The following HPSE2 variants were observed in gnomAD, a reference collection of about 807,000 sequenced individuals.
HPSE2 encodes heparanase 2 (inactive).
A neutral mutation model predicts 60.5 loss-of-function variants in HPSE2; 38 were observed. That is an observed-to-expected ratio of 0.63 (90% CI 0.48 to 0.82). HPSE2 has a LOEUF of 0.82. Ranked by LOEUF, HPSE2 falls within the 40% of genes least tolerant of loss-of-function variation. The probability of loss-of-function intolerance (pLI) is 0.00; values close to 1 mark genes in which losing one functional copy is unlikely to be tolerated. For missense variants in HPSE2, 713 were observed against 740.4 expected (o/e 0.96, Z 0.43); for synonymous variants, 295 against 293.2 (o/e 1.01, Z -0.06).
At position 98,490,092 on chromosome 10, in the gene HPSE2, C is replaced by T. The variant is rs1474995904; in HGVS notation, c.1425G>A (p.Arg475=). ...AGTGAGCATAAATCCTTAGTTTGTC[C>T]CGGATCACTCGGCCAGGCCGTGGCT... ...QRKPRPGRVI[R]DKLRIYAHCT... Residue 475 remains arginine (R), a synonymous_variant, in exon 10 of 12, where the codon CGG becomes CGA. Transcript: ENST00000370552. The T allele has an allele frequency of 1.2e-6, 2 of 1,614,168 alleles. No individual in the cohort carries two copies. The highest frequency in any genetic ancestry group is 3.3e-5 in the Admixed American group (2 of 60,022).
intron 3 of HPSE2, among the ~76,000 whole-genome samples, chr10:98,983,687 G>T (rs2135308557): frequency 6.6e-6 from 1 of 152,294 alleles, no homozygotes; most frequent in African/African-American, 2.4e-5. Context: ...GCCAAAGCAG[G>T]GCAAGGCATC....
At chr10:98,642,080 C>T (rs1177153236) in intron 6 of HPSE2, 140 bp from the exon 7 acceptor site, 2 of 721,568 alleles carry the variant, frequency 2.8e-6, no homozygotes, top group Non-Finnish European at 2.4e-6. Context: ...AGGTTTTGAA[C>T]CTGGGTACTT....
At position 99,235,687 on chromosome 10, in the gene HPSE2, G is replaced by A; in HGVS notation, c.116C>T (p.Ser39Phe). 2 of 1,614,096 alleles carry A rather than the reference G, an allele frequency of 1.2e-6. No individual in the cohort carries two copies. Among genetic ancestry groups the A allele is most frequent in the Non-Finnish European group, 1.7e-6 (2 of 1,180,030 alleles). Residue 39 changes from serine (S) to phenylalanine (F), a missense_variant, in exon 1 of 12, where the codon TCC (serine) becomes TTC (phenylalanine). Coordinates refer to ENST00000370552, the MANE Select transcript of HPSE2 (RefSeq NM_021828.5). ...LALLLHLSLS[S>F]QAGDRRPLPV... Reference sequence around the variant, plus strand: ...CAAGGGTCTCCTGTCTCCAGCCTGGGAGGAAAGGGAGAGATGGAGCAACAG... The same window carrying A: ...CAAGGGTCTCCTGTCTCCAGCCTGGAAGGAAAGGGAGAGATGGAGCAACAG...
At chr10:98,719,534 T>G (rs1007375458) in intron 5 of HPSE2, among the ~76,000 whole-genome samples, 4 of 151,562 alleles carry the variant, frequency 2.6e-5, no homozygotes, top group African/African-American at 4.8e-5. Context: ...CTTCCAAAAT[T>G]TACATTAAAA....
intron 3 of HPSE2, among the ~76,000 whole-genome samples, chr10:98,894,415 T>C (rs1331400912): frequency 2.0e-5 from 3 of 152,038 alleles, no homozygotes; most frequent in African/African-American, 7.2e-5. Flanking sequence ...AAATTTAAAA[T>C]GAATCAAACA....
At chr10:98,809,724 T>C (rs1951124036) in intron 3 of HPSE2, among the ~76,000 whole-genome samples, 1 of 152,148 alleles carries the variant, frequency 6.6e-6, no homozygotes, top group Non-Finnish European at 1.5e-5. Context: ...GCAAGGTGGA[T>C]CTTGAGGATT....
chr10:98,833,412 G>C (rs761836079), intron 3 of HPSE2, among the ~76,000 whole-genome samples: 1 of 152,144 alleles, frequency 6.6e-6, no homozygotes, highest in Non-Finnish European at 1.5e-5. Flanking sequence ...ACCTTTTAAG[G>C]AATAACCATG....
chr10:99,133,073 T>C (rs1845508414), intron 3 of HPSE2, among the ~76,000 whole-genome samples: 2 of 152,202 alleles, frequency 1.3e-5, no homozygotes, highest in Non-Finnish European at 2.9e-5. Context: ...GCGTCTACCA[T>C]TGTTGAAGCT....
At chr10:98,531,530 T>C (rs1318757758) in intron 9 of HPSE2, among the ~76,000 whole-genome samples, 1 of 152,166 alleles carries the variant, frequency 6.6e-6, no homozygotes, top group African/African-American at 2.4e-5. Context: ...GTAGTGCACG[T>C]GCGGGCTAAT....
At chr10:99,264,166 CAAG>C in the HPSE2 span, among the ~76,000 whole-genome samples, 1 of 45,120 alleles carries the variant, frequency 2.2e-5, no homozygotes, top group Admixed American at 2.9e-4. Flanking sequence ...CGGTTCACTG[CAAG>C]CTCTGCCTCC....
intron 3 of HPSE2, among the ~76,000 whole-genome samples, chr10:98,919,050 A>C (rs1447578562): frequency 1.6e-4 from 24 of 152,148 alleles, no homozygotes; most frequent in Admixed American, 1.6e-3. Flanking sequence ...TTAAAATATA[A>C]AACATAGAGC....
At chr10:98,997,424 C>A (rs1195155265) in intron 3 of HPSE2, among the ~76,000 whole-genome samples, 1 of 152,100 alleles carries the variant, frequency 6.6e-6, no homozygotes, top group Admixed American at 6.6e-5. Context: ...CCAAAACAGA[C>A]CTTTCTACTC....
intron 3 of HPSE2, among the ~76,000 whole-genome samples, chr10:99,129,444 C>A (rs1015960620): frequency 2.6e-5 from 4 of 152,210 alleles, no homozygotes; most frequent in Non-Finnish European, 5.9e-5. Context: ...CCTCTCAGAA[C>A]ACAGTGAATA....
intron 2 of HPSE2, among the ~76,000 whole-genome samples, chr10:99,215,274 C>T (rs1849081580): frequency 6.6e-6 from 1 of 152,168 alleles, no homozygotes; most frequent in Non-Finnish European, 1.5e-5. Flanking sequence ...CCAAGGAATA[C>T]TATGCAGTCA....
intron 2 of HPSE2, among the ~76,000 whole-genome samples, chr10:99,220,445 T>G (rs1849270046): frequency 6.6e-6 from 1 of 152,196 alleles, no homozygotes; most frequent in Non-Finnish European, 1.5e-5. Context: ...TACTTCTGTA[T>G]GCATGGCAAA....
chr10:98,497,030 GA>G (rs1233619810), intron 9 of HPSE2, among the ~76,000 whole-genome samples: 105 of 151,806 alleles, frequency 6.9e-4, no homozygotes, highest in Non-Finnish European at 1.3e-3. Flanking sequence ...ATTATTTAAA[GA>G]TTTAAACTTT....
the HPSE2 span, among the ~76,000 whole-genome samples, chr10:99,286,360 A>G: frequency 3.3e-5 from 5 of 152,250 alleles, no homozygotes; most frequent in African/African-American, 4.8e-5. Flanking sequence ...AAAATCTTAT[A>G]TATGTACACA....
chr10:98,879,847 A>ATG (rs1234476457), intron 3 of HPSE2, among the ~76,000 whole-genome samples: 7 of 88,986 alleles, frequency 7.9e-5, no homozygotes, highest in South Asian at 4.9e-4. Context: ...GTTGGTGTGC[A>ATG]TGTGCGTGTG....
intron 3 of HPSE2, among the ~76,000 whole-genome samples, chr10:98,976,211 GA>G (rs1386380313): frequency 6.6e-6 from 1 of 152,092 alleles, no homozygotes; most frequent in Non-Finnish European, 1.5e-5. Flanking sequence ...CAAGGAAAGA[GA>G]CTATACATAT....
Sources: gnomAD v4.1 joint callset for allele counts (sites outside exome capture counted in the v4.1 genomes callset) on GRCh38, gnomAD v4.1.1 for gene constraint, MANE v1.5 for transcripts, NCBI Gene and HGNC (gene_info 2026-07-23, HGNC 2026-07-21) for gene names.